ZZZ3: variants seen among roughly 807,000 people sequenced by gnomAD.
ZZZ3 encodes the protein ZZ-type zinc finger-containing protein 3.
A neutral mutation model predicts 95.2 loss-of-function variants in ZZZ3; 22 were observed. The observed-to-expected ratio is 0.23, with a 90% CI of 0.17 to 0.33. ZZZ3 has a LOEUF of 0.33. Ranked by LOEUF, ZZZ3 falls within the 10% of genes least tolerant of loss-of-function variation. The pLI, the probability that ZZZ3 is intolerant of heterozygous loss-of-function variation, is 1.00. For missense variants in ZZZ3, 885 were observed against 1,066.5 expected, an observed-to-expected ratio of 0.83 and a Z score of 2.37; for synonymous variants, 335 against 358.9, an observed-to-expected ratio of 0.93 and a Z score of 0.75.
At chr1:77,664,707 G>A (rs776108747) in intron 1 of ZZZ3, among the ~76,000 whole-genome samples, 2 of 152,046 alleles carry the variant, frequency 1.3e-5, no homozygotes, top group Non-Finnish European at 2.9e-5. Flanking sequence ...AAGCACAACT[G>A]TACATTTATT....
At chr1:77,615,605 T>C (rs1056784225) in intron 5 of ZZZ3, among the ~76,000 whole-genome samples, 1 of 152,266 alleles carries the variant, frequency 6.6e-6, no homozygotes, top group Non-Finnish European at 1.5e-5. Flanking sequence ...TCACTACTTA[T>C]AATTTTATTT....
chr1:77,635,315 A>G (rs1668198714), intron 4 of ZZZ3, among the ~76,000 whole-genome samples: 1 of 152,220 alleles, frequency 6.6e-6, no homozygotes. Context: ...TATAAGAATC[A>G]CAAAACTAGC....
intron 4 of ZZZ3, among the ~76,000 whole-genome samples, chr1:77,635,133 T>C (rs1285301207): frequency 6.6e-6 from 1 of 152,140 alleles, no homozygotes; most frequent in African/African-American, 2.4e-5. Flanking sequence ...CACAGCAACA[T>C]GCTACCACAT....
intron 1 of ZZZ3, among the ~76,000 whole-genome samples, chr1:77,657,700 G>T (rs1377784357): frequency 1.3e-5 from 2 of 152,264 alleles, no homozygotes; most frequent in East Asian, 3.9e-4. Flanking sequence ...CTCAGTATAC[G>T]TGGGGGGGAT....
At chr1:77,577,870 C>G (rs530030065) in intron 11 of ZZZ3, among the ~76,000 whole-genome samples, 1 of 152,168 alleles carries the variant, frequency 6.6e-6, no homozygotes. Flanking sequence ...CCACCCGCCT[C>G]GGCCTCCCAA....
At position 77,563,679 on chromosome 1, in the gene ZZZ3, C is replaced by T. The variant is rs887250028; in HGVS notation, c.*1961G>A. ...CACAAACATAGAAGTTACCATCAAG[C>T]ATTACTATCTTGCCTAATTACAAGT... On this transcript the variant is annotated 3_prime_UTR_variant, in exon 15 of 15. Coordinates refer to ENST00000370801, the MANE Select transcript of ZZZ3 (RefSeq NM_015534.6). The T allele has an allele frequency of 1.2e-4, 18 of 152,120 alleles. No individual in the cohort carries two copies. Among genetic ancestry groups the T allele is most frequent in the Non-Finnish European group, 2.6e-4 (18 of 68,006 alleles). 9.4% of individuals were successfully genotyped at this position (152,120 alleles called of 1,614,324 possible). A position where few individuals can be genotyped will look rare whatever the true frequency, so the allele number is the denominator to read the frequency against.
At chr1:77,582,853 C>A (rs1230800251) in intron 6 of ZZZ3, among the ~76,000 whole-genome samples, 1 of 152,096 alleles carries the variant, frequency 6.6e-6, no homozygotes, top group Admixed American at 6.5e-5. Context: ...TGCCTGTAAT[C>A]TCAGCACTTT....
intron 5 of ZZZ3, among the ~76,000 whole-genome samples, chr1:77,607,315 C>T (rs1665333004): frequency 6.6e-6 from 1 of 152,180 alleles, no homozygotes; most frequent in South Asian, 2.1e-4. Context: ...GAAACCATCC[C>T]CATGATTCAA....
chr1:77,577,046 GC>G (rs1662030592), intron 11 of ZZZ3, among the ~76,000 whole-genome samples: 1 of 152,138 alleles, frequency 6.6e-6, no homozygotes, highest in Non-Finnish European at 1.5e-5. Context: ...TATAAACTAG[GC>G]CTATGTGGTG....
At chr1:77,617,046 G>T (rs1055785318) in intron 5 of ZZZ3, among the ~76,000 whole-genome samples, 4 of 152,086 alleles carry the variant, frequency 2.6e-5, no homozygotes, top group African/African-American at 9.7e-5. Context: ...CCTCTAAGTA[G>T]TATTTTCTTC....
At chr1:77,662,522 T>A (rs1462363006) in intron 1 of ZZZ3, among the ~76,000 whole-genome samples, 1 of 152,194 alleles carries the variant, frequency 6.6e-6, no homozygotes, top group Admixed American at 6.5e-5. Context: ...GAACATACCC[T>A]GTAGTGACTA....
At chr1:77,621,475 GA>G (rs1666854418) in intron 5 of ZZZ3, among the ~76,000 whole-genome samples, 1 of 144,790 alleles carries the variant, frequency 6.9e-6, no homozygotes, top group Non-Finnish European at 1.5e-5. Context: ...AAGAGTTTGG[GA>G]AAAAATTTAA....
At chr1:77,651,368 G>C (rs898792173) in intron 1 of ZZZ3, among the ~76,000 whole-genome samples, 11 of 152,242 alleles carry the variant, frequency 7.2e-5, no homozygotes, top group East Asian at 3.9e-4. Context: ...GACAGAGAGA[G>C]AGAATCTGTC....
At chr1:77,621,853 GAA>G (rs920984470) in intron 5 of ZZZ3, among the ~76,000 whole-genome samples, 2 of 151,874 alleles carry the variant, frequency 1.3e-5, no homozygotes, top group African/African-American at 4.8e-5. Context: ...AAAGAAAAAA[GAA>G]TATACTTCCA....
chr1:77,592,879 T>C (rs993462498), intron 5 of ZZZ3, among the ~76,000 whole-genome samples: 2 of 152,194 alleles, frequency 1.3e-5, no homozygotes, highest in Non-Finnish European at 2.9e-5. Flanking sequence ...TTGAAAGTTC[T>C]TAAAAGCATC....
chr1:77,603,316 T>G (rs1664922066), intron 5 of ZZZ3, among the ~76,000 whole-genome samples: 1 of 152,188 alleles, frequency 6.6e-6, no homozygotes, highest in Non-Finnish European at 1.5e-5. Context: ...CGGGCTCAAG[T>G]GATCCTCCTA....
At chr1:77,669,611 C>T (rs1312870119) in intron 1 of ZZZ3, among the ~76,000 whole-genome samples, 1 of 151,960 alleles carries the variant, frequency 6.6e-6, no homozygotes, top group Non-Finnish European at 1.5e-5. Flanking sequence ...GCACCCACCA[C>T]CATACCTGGC....
chr1:77,672,312 A>T (rs1671860404), intron 1 of ZZZ3, among the ~76,000 whole-genome samples: 1 of 152,304 alleles, frequency 6.6e-6, no homozygotes, highest in African/African-American at 2.4e-5. Flanking sequence ...CTAGTGGTTT[A>T]GTTTAAAACA....
chr1:77,661,563 G>C (rs578059798), intron 1 of ZZZ3, among the ~76,000 whole-genome samples: 1 of 152,120 alleles, frequency 6.6e-6, no homozygotes, highest in African/African-American at 2.4e-5. Flanking sequence ...AATCACAGAG[G>C]AATGATTAAG....
Sources: gnomAD v4.1 joint callset for allele counts (sites outside exome capture counted in the v4.1 genomes callset) on GRCh38, gnomAD v4.1.1 for gene constraint, MANE v1.5 for transcripts, NCBI Gene and HGNC (gene_info 2026-07-23, HGNC 2026-07-21) for gene names.